ADGRL3: variants seen among roughly 807,000 people sequenced by gnomAD.
The protein encoded by ADGRL3 is adhesion G protein-coupled receptor L3.
In ADGRL3, 62 loss-of-function variants were observed where a neutral mutation model predicts 153.5. The observed-to-expected ratio is 0.40, with a 90% CI of 0.33 to 0.50. The LOEUF (loss-of-function observed/expected upper bound fraction) is 0.50. Ranked by LOEUF, ADGRL3 falls within the 20% of genes least tolerant of loss-of-function variation. The probability of loss-of-function intolerance (pLI) is 0.47; values close to 1 mark genes in which losing one functional copy is unlikely to be tolerated. For synonymous variants in ADGRL3, 710 were observed against 672.5 expected (o/e 1.06, Z -0.86); for missense variants, 1,641 against 1,859.4 (o/e 0.88, Z 2.16).
chr4:61,373,003 G>A (rs1208860920), intron 1 of ADGRL3, among the ~76,000 whole-genome samples: 6 of 151,996 alleles, frequency 3.9e-5, no homozygotes, highest in African/African-American at 4.8e-5. Context: ...AGGTGCGGTC[G>A]GTCACCCCTT....
chr4:61,686,811 T>A (rs1227909325), intron 6 of ADGRL3, among the ~76,000 whole-genome samples: 1 of 152,008 alleles, frequency 6.6e-6, no homozygotes, highest in African/African-American at 2.4e-5. Context: ...CTCCTCCCCA[T>A]CTTCCAGCCT....
At chr4:62,056,901 C>T (rs1278767193) in intron 25 of ADGRL3, among the ~76,000 whole-genome samples, 1 of 151,970 alleles carries the variant, frequency 6.6e-6, no homozygotes, top group Non-Finnish European at 1.5e-5. Context: ...AAAATTGAGG[C>T]ATATTGCTAT....
chr4:61,293,324 A>C (rs763540394), intron 1 of ADGRL3, among the ~76,000 whole-genome samples: 1 of 152,144 alleles, frequency 6.6e-6, no homozygotes, highest in Non-Finnish European at 1.5e-5. Context: ...TTCTGCATAA[A>C]ACATGATTTC....
At chr4:61,276,902 G>A (rs1317448991) in intron 1 of ADGRL3, among the ~76,000 whole-genome samples, 1 of 151,956 alleles carries the variant, frequency 6.6e-6, no homozygotes, top group East Asian at 1.9e-4. Context: ...ATATTAAACA[G>A]AACAGATACT....
intron 2 of ADGRL3, among the ~76,000 whole-genome samples, chr4:61,474,247 TC>T: frequency 1.3e-5 from 2 of 152,286 alleles, no homozygotes; most frequent in South Asian, 4.1e-4. Flanking sequence ...CATGCAAGTG[TC>T]CTTTTATGCG....
chr4:61,258,941 T>G (rs541279171), intron 1 of ADGRL3, among the ~76,000 whole-genome samples: 10 of 152,286 alleles, frequency 6.6e-5, no homozygotes, highest in African/African-American at 2.4e-4. Context: ...CATATCAAAA[T>G]AAGAAGATAC....
chr4:61,278,360 GT>G (rs2093576929), intron 1 of ADGRL3, among the ~76,000 whole-genome samples: 1 of 152,132 alleles, frequency 6.6e-6, no homozygotes, highest in Admixed American at 6.5e-5. Flanking sequence ...TAATGAGCTA[GT>G]AACAAATTGA....
At chr4:61,835,903 A>T (rs183637511) in intron 9 of ADGRL3, among the ~76,000 whole-genome samples, 2 of 152,262 alleles carry the variant, frequency 1.3e-5, no homozygotes, top group Admixed American at 1.3e-4. Flanking sequence ...AGAGAAGCCA[A>T]TTTTTAGCTT....
At chr4:61,934,699 A>C in intron 13 of ADGRL3, 141 bp from the exon 14 acceptor site, 4 of 573,998 alleles carry the variant, frequency 7.0e-6, no homozygotes, top group Non-Finnish European at 1.2e-5. Flanking sequence ...CTGCTGCAGC[A>C]TGTCACAGGG....
chr4:61,842,907 T>A, intron 9 of ADGRL3, among the ~76,000 whole-genome samples: 1 of 152,158 alleles, frequency 6.6e-6, no homozygotes, highest in Non-Finnish European at 1.5e-5. Context: ...TGGAAACAGG[T>A]GTTTCAGCAC....
In ADGRL3 at chr4:62,074,857, C is replaced by G. The variant is rs967979494; in HGVS notation, c.*3949C>G. Reference sequence around the variant, plus strand: ...TATTAACTTAATTGGTATGACAAAACTTTTCATAATAGATATAAGCATATA... The same window carrying G: ...TATTAACTTAATTGGTATGACAAAAGTTTTCATAATAGATATAAGCATATA... On this transcript the variant is annotated 3_prime_UTR_variant, in exon 27 of 27. Coordinates refer to ENST00000683033, the MANE Select transcript of ADGRL3 (RefSeq NM_001387552.1). The G allele has an allele frequency of 6.6e-6, 1 of 152,128 alleles. No homozygotes were observed. The highest frequency in any genetic ancestry group is 1.9e-4 in the East Asian group (1 of 5,166). 9.4% of individuals were successfully genotyped at this position (152,128 alleles called of 1,614,324 possible). A position where few individuals can be genotyped will look rare whatever the true frequency, so the allele number is the denominator to read the frequency against.
intron 11 of ADGRL3, among the ~76,000 whole-genome samples, chr4:61,902,066 A>T (rs560342437): frequency 6.6e-6 from 1 of 152,306 alleles, no homozygotes; most frequent in East Asian, 1.9e-4. Flanking sequence ...TGGAAATAAG[A>T]TCATTATAGT....
chr4:61,420,057 C>T (rs1171518403), intron 2 of ADGRL3, among the ~76,000 whole-genome samples: 2 of 152,138 alleles, frequency 1.3e-5, no homozygotes, highest in Non-Finnish European at 2.9e-5. Flanking sequence ...CCACCTCGGC[C>T]TCCCAAAGTG....
intron 3 of ADGRL3, among the ~76,000 whole-genome samples, chr4:61,512,539 T>C (rs1376609515): frequency 2.6e-5 from 4 of 152,060 alleles, no homozygotes; most frequent in Non-Finnish European, 4.4e-5. Context: ...AGCTAGAATA[T>C]AATAAAATAA....
intron 2 of ADGRL3, among the ~76,000 whole-genome samples, chr4:61,386,465 A>G (rs2096737164): frequency 6.6e-6 from 1 of 152,196 alleles, no homozygotes; most frequent in South Asian, 2.1e-4. Context: ...TAAGATTTGT[A>G]ATAAATTAAC....
chr4:61,480,980 C>T (rs189886541), intron 2 of ADGRL3, among the ~76,000 whole-genome samples: 80 of 152,134 alleles, frequency 5.3e-4, no homozygotes, highest in Non-Finnish European at 9.6e-4. Flanking sequence ...TTGATATTTG[C>T]TGAACAGTTT....
At chr4:61,769,933 T>C (rs187182554) in intron 8 of ADGRL3, among the ~76,000 whole-genome samples, 1 of 152,266 alleles carries the variant, frequency 6.6e-6, no homozygotes, top group Non-Finnish European at 1.5e-5. Flanking sequence ...TATTCACTTC[T>C]TTTGTGATTC....
chr4:61,788,782 T>G (rs2097306661), intron 8 of ADGRL3, among the ~76,000 whole-genome samples: 1 of 152,182 alleles, frequency 6.6e-6, no homozygotes, highest in South Asian at 2.1e-4. Context: ...GTATTAAAGT[T>G]TAAGGATCTA....
chr4:61,390,684 C>A (rs1210210374), intron 2 of ADGRL3, among the ~76,000 whole-genome samples: 1 of 152,104 alleles, frequency 6.6e-6, no homozygotes, highest in Non-Finnish European at 1.5e-5. Flanking sequence ...TGCTTGTAGT[C>A]TTTTTGTTTG....
Sources: gnomAD v4.1 joint callset for allele counts (sites outside exome capture counted in the v4.1 genomes callset) on GRCh38, gnomAD v4.1.1 for gene constraint, MANE v1.5 for transcripts, NCBI Gene and HGNC (gene_info 2026-07-23, HGNC 2026-07-21) for gene names.